SLC8A1: variants seen among roughly 807,000 people sequenced by gnomAD.
SLC8A1 encodes the protein sodium/calcium exchanger 1.
SLC8A1 carries 18 observed loss-of-function variants against 68.3 expected under a neutral mutation model. The observed-to-expected ratio is 0.26, with a 90% CI of 0.18 to 0.39. The LOEUF (loss-of-function observed/expected upper bound fraction) is 0.39, where lower values mean the gene tolerates loss of function less well. Among genes scored for constraint, SLC8A1 ranks in the 10% least tolerant of loss-of-function variants. The pLI is 1.00. For missense variants in SLC8A1, 985 were observed against 1,156.7 expected (o/e 0.85, Z 2.15); for synonymous variants, 475 against 415.5 (o/e 1.14, Z -1.74).
chr2:40,340,269 A>T (rs1667272066), intron 2 of SLC8A1, among the ~76,000 whole-genome samples: 1 of 152,140 alleles, frequency 6.6e-6, no homozygotes, highest in Admixed American at 6.6e-5. Flanking sequence ...CTCGTCAAGA[A>T]GGGAGTCAAG....
intron 2 of SLC8A1, among the ~76,000 whole-genome samples, chr2:40,388,260 C>T (rs970477700): frequency 6.6e-6 from 1 of 152,046 alleles, no homozygotes; most frequent in African/African-American, 2.4e-5. Flanking sequence ...ATATAGAAAC[C>T]ATTTGGAAAT....
At chr2:40,274,000 G>T (rs1214686029) in intron 2 of SLC8A1, among the ~76,000 whole-genome samples, 3 of 151,314 alleles carry the variant, frequency 2.0e-5, no homozygotes, top group African/African-American at 7.3e-5. Flanking sequence ...AAGGGACTGT[G>T]CCCCTCTCTC....
intron 2 of SLC8A1, chr2:40,189,649 A>C (rs1288799208): frequency 6.6e-6 from 1 of 152,208 alleles, no homozygotes; most frequent in Non-Finnish European, 1.5e-5. Flanking sequence ...CTTGCTAATT[A>C]TTGCAAATTT....
chr2:40,501,072 C>T (rs1274523951), intron 1 of SLC8A1, among the ~76,000 whole-genome samples: 1 of 151,968 alleles, frequency 6.6e-6, no homozygotes, highest in East Asian at 1.9e-4. Flanking sequence ...GTTGTTCCTA[C>T]TTCAAGGCCT....
intron 6 of SLC8A1, among the ~76,000 whole-genome samples, chr2:40,153,340 G>C (rs989056572): frequency 1.3e-5 from 2 of 152,154 alleles, no homozygotes; most frequent in African/African-American, 4.8e-5. Context: ...GTCTTGTCCA[G>C]AGCCCCATAA....
intron 2 of SLC8A1, among the ~76,000 whole-genome samples, chr2:40,274,297 T>G (rs1574981373): frequency 6.6e-6 from 1 of 151,374 alleles, no homozygotes; most frequent in Non-Finnish European, 1.5e-5. Flanking sequence ...TAATCCGAAC[T>G]TGCTTATTTT....
intron 2 of SLC8A1, among the ~76,000 whole-genome samples, chr2:40,396,439 C>T (rs1048882227): frequency 1.3e-5 from 2 of 151,834 alleles, no homozygotes; most frequent in Non-Finnish European, 2.9e-5. Context: ...GTAATAATAC[C>T]ATCATTCTAT....
chr2:40,450,637 C>A (rs1419085409), intron 1 of SLC8A1, among the ~76,000 whole-genome samples: 1 of 152,210 alleles, frequency 6.6e-6, no homozygotes, highest in Non-Finnish European at 1.5e-5. Context: ...TTCCACTACA[C>A]CTCCCACTGA....
At chr2:40,109,029 T>G (rs778523728) in exon 8 of SLC8A1, 1 of 152,174 alleles carries the variant, frequency 6.6e-6, no homozygotes, top group Non-Finnish European at 1.5e-5. Flanking sequence ...TCTAGTAACT[T>G]TATCCCCCCG....
At chr2:40,198,079 C>T (rs954409147) in intron 2 of SLC8A1, among the ~76,000 whole-genome samples, 2 of 151,950 alleles carry the variant, frequency 1.3e-5, no homozygotes, top group African/African-American at 4.8e-5. Context: ...AGGGCAGCTC[C>T]AAACTTCTAG....
At chr2:40,309,810 T>C (rs570862928) in intron 2 of SLC8A1, among the ~76,000 whole-genome samples, 2 of 152,250 alleles carry the variant, frequency 1.3e-5, no homozygotes, top group East Asian at 3.9e-4. Context: ...ATCCTAACCA[T>C]TTTTTATTGA....
intron 1 of SLC8A1, among the ~76,000 whole-genome samples, chr2:40,510,105 C>A (rs1461175931): frequency 6.6e-6 from 1 of 152,066 alleles, no homozygotes; most frequent in African/African-American, 2.4e-5. Context: ...GGATTACAGG[C>A]GTGAGCCACC....
At chr2:40,475,262 T>C (rs1406953767) in intron 1 of SLC8A1, among the ~76,000 whole-genome samples, 3 of 152,150 alleles carry the variant, frequency 2.0e-5, no homozygotes, top group Admixed American at 2.0e-4. Flanking sequence ...GCCTCCCACG[T>C]AGCTGGGACT....
chr2:40,345,576 C>T (rs546391989), intron 2 of SLC8A1, among the ~76,000 whole-genome samples: 2 of 152,168 alleles, frequency 1.3e-5, no homozygotes, highest in African/African-American at 4.8e-5. Flanking sequence ...AAAGAAACAG[C>T]AAATTTGTGG....
At chr2:40,475,122 ATTAT>A (rs146647618) in intron 1 of SLC8A1, among the ~76,000 whole-genome samples, 1 of 151,884 alleles carries the variant, frequency 6.6e-6, no homozygotes. Flanking sequence ...TGCTATAAAA[ATTAT>A]TTATTTATTT....
chr2:40,253,050 T>TATAC (rs1471779842), intron 2 of SLC8A1, among the ~76,000 whole-genome samples: 2 of 135,692 alleles, frequency 1.5e-5, no homozygotes, highest in Non-Finnish European at 3.1e-5. Flanking sequence ...AGTATATGTA[T>TATAC]ATATGTACAT....
chr2:40,502,559 T>G (rs988588336), intron 1 of SLC8A1, among the ~76,000 whole-genome samples: 9 of 152,092 alleles, frequency 5.9e-5, no homozygotes, highest in Non-Finnish European at 1.2e-4. Flanking sequence ...TCTCATTGGT[T>G]CTTACAATAA....
intron 2 of SLC8A1, among the ~76,000 whole-genome samples, chr2:40,392,721 T>C (rs926558278): frequency 5.9e-5 from 9 of 152,004 alleles, no homozygotes; most frequent in Admixed American, 4.6e-4. Flanking sequence ...AGTAATGAAA[T>C]GCCAATGATC....
At chr2:40,346,464 T>C (rs1223241748) in intron 2 of SLC8A1, among the ~76,000 whole-genome samples, 1 of 152,180 alleles carries the variant, frequency 6.6e-6, no homozygotes, top group Non-Finnish European at 1.5e-5. Flanking sequence ...ACATTCAGTG[T>C]TGTGACCAGC....
Sources: gnomAD v4.1 joint callset for allele counts (sites outside exome capture counted in the v4.1 genomes callset) on GRCh38, gnomAD v4.1.1 for gene constraint, MANE v1.5 for transcripts, NCBI Gene and HGNC (gene_info 2026-07-23, HGNC 2026-07-21) for gene names.